The following FBXO34 variants were observed in gnomAD, a reference collection of about 807,000 sequenced individuals.
The protein encoded by FBXO34 is F-box only protein 34.
Under a neutral mutation model 24.5 loss-of-function variants are expected in FBXO34, and 12 were observed. That is an observed-to-expected ratio of 0.49 (90% CI 0.31 to 0.79). The LOEUF is 0.79. FBXO34 is among the 30% of genes least tolerant of loss of function. FBXO34 has a pLI of 0.04. For missense variants in FBXO34, 823 were observed against 857.7 expected (o/e 0.96, Z 0.51); for synonymous variants, 320 against 311.9 (o/e 1.03, Z -0.27).
downstream of FBXO34, among the ~76,000 whole-genome samples, chr14:55,370,960 C>T (rs1327186909): frequency 2.0e-5 from 3 of 152,024 alleles, no homozygotes; most frequent in Non-Finnish European, 2.9e-5. Flanking sequence ...CTTCTTTTTC[C>T]CCTCCCTTTC....
chr14:55,299,030 T>C (rs1882245955), intron 1 of FBXO34: 13 of 1,606,384 alleles, frequency 8.1e-6, no homozygotes, highest in Non-Finnish European at 1.1e-5. Context: ...AGCAAGAACT[T>C]GGGGAGGAGA....
At chr14:55,283,116 A>G (rs1881616647) in intron 1 of FBXO34, among the ~76,000 whole-genome samples, 1 of 152,198 alleles carries the variant, frequency 6.6e-6, no homozygotes, top group Non-Finnish European at 1.5e-5. Context: ...CATCGTCACT[A>G]TATTTTAGCT....
chr14:55,369,448 G>A (rs1467156376), downstream of FBXO34: 7 of 584,014 alleles, frequency 1.2e-5, no homozygotes, highest in Non-Finnish European at 1.9e-5. Context: ...ACCATCACAG[G>A]CCACTTGGCA....
chr14:55,327,028 A>G (rs538189535), intron 1 of FBXO34, among the ~76,000 whole-genome samples: 3 of 152,204 alleles, frequency 2.0e-5, no homozygotes, highest in Non-Finnish European at 2.9e-5. Flanking sequence ...AGAAAGGGGG[A>G]AAAAAGTGCT....
At chr14:55,298,193 A>G (rs1169307827) in intron 1 of FBXO34, among the ~76,000 whole-genome samples, 1 of 149,114 alleles carries the variant, frequency 6.7e-6, no homozygotes, top group Non-Finnish European at 1.5e-5. Flanking sequence ...AAACTTTCTT[A>G]AAACACTGTG....
At chr14:55,371,614 C>CT (rs1282462298), downstream of FBXO34, among the ~76,000 whole-genome samples, 1 of 152,080 alleles carries the variant, frequency 6.6e-6, no homozygotes, top group African/African-American at 2.4e-5. Context: ...AGACCATTGG[C>CT]TAACACAGTG....
intron 1 of FBXO34, among the ~76,000 whole-genome samples, chr14:55,347,287 C>T (rs886228228): frequency 6.6e-6 from 1 of 152,160 alleles, no homozygotes; most frequent in African/African-American, 2.4e-5. Flanking sequence ...AAAGTGCCAC[C>T]ATCTGTTGTA....
At chr14:55,340,087 G>A (rs1278850273) in intron 1 of FBXO34, among the ~76,000 whole-genome samples, 1 of 152,124 alleles carries the variant, frequency 6.6e-6, no homozygotes, top group African/African-American at 2.4e-5. Context: ...ACCAGGTCTT[G>A]CTGTGTTGCT....
chr14:55,355,487 C>CA (rs1421975327), downstream of FBXO34, among the ~76,000 whole-genome samples: 1 of 152,196 alleles, frequency 6.6e-6, no homozygotes, highest in Non-Finnish European at 1.5e-5. Flanking sequence ...CAACCAGCCT[C>CA]AGATTTAAAA....
the FBXO34 span, among the ~76,000 whole-genome samples, chr14:55,425,578 G>A: frequency 6.6e-6 from 1 of 152,174 alleles, no homozygotes; most frequent in South Asian, 2.1e-4. Context: ...GGCAGAGAAA[G>A]AGAGTGGTTT....
chr14:55,315,592 C>G (rs1237797605), intron 1 of FBXO34, among the ~76,000 whole-genome samples: 1 of 152,176 alleles, frequency 6.6e-6, no homozygotes, highest in Non-Finnish European at 1.5e-5. Flanking sequence ...ATGTCTTACT[C>G]TGTTCTTACT....
chr14:55,382,073 T>G, the FBXO34 span: 1 of 1,614,194 alleles, frequency 6.2e-7, no homozygotes, highest in Non-Finnish European at 8.5e-7. Context: ...GTGTCTCCGT[T>G]GTGATCGTCA....
At chr14:55,318,767 G>A (rs1039261407) in intron 1 of FBXO34, among the ~76,000 whole-genome samples, 1 of 152,068 alleles carries the variant, frequency 6.6e-6, no homozygotes, top group African/African-American at 2.4e-5. Flanking sequence ...GGAACAATTA[G>A]TATTCCATTG....
At chr14:55,279,046 C>G (rs1881440587) in intron 1 of FBXO34, among the ~76,000 whole-genome samples, 1 of 152,062 alleles carries the variant, frequency 6.6e-6, no homozygotes, top group South Asian at 2.1e-4. Flanking sequence ...CCTGTAATCC[C>G]AGCACTTTAG....
At chr14:55,429,766 C>CAAAAAAAAAAAAAAAAAAAAAA in the FBXO34 span, among the ~76,000 whole-genome samples, 19 of 52,350 alleles carry the variant, frequency 3.6e-4, no homozygotes, top group East Asian at 5.7e-4. Flanking sequence ...AACTCCGTCT[C>CAAAAAAAAAAAAAAAAAAAAAA]AAAAAAAAAA....
chr14:55,359,315 T>G (rs1016340960), intron 3 of FBXO34, among the ~76,000 whole-genome samples: 2 of 152,132 alleles, frequency 1.3e-5, no homozygotes, highest in African/African-American at 4.8e-5. Flanking sequence ...TAGGAGGCCC[T>G]AAATGCACAC....
chr14:55,433,853 T>C, the FBXO34 span: 2 of 662,400 alleles, frequency 3.0e-6, no homozygotes, highest in East Asian at 2.7e-5. Flanking sequence ...CTTTTCTCCC[T>C]ACATTAAGGT....
At chr14:55,347,872 T>C (rs753211132) in intron 1 of FBXO34, among the ~76,000 whole-genome samples, 30 of 152,368 alleles carry the variant, frequency 2.0e-4, no homozygotes, top group Admixed American at 3.3e-4. Flanking sequence ...TATTCATAGA[T>C]ACTGTGTAAT....
chr14:55,321,917 A>G (rs1265582985), intron 1 of FBXO34, among the ~76,000 whole-genome samples: 1 of 152,266 alleles, frequency 6.6e-6, no homozygotes, highest in East Asian at 1.9e-4. Flanking sequence ...ATTGTTTTTG[A>G]AATTATACAA....
Sources: allele counts gnomAD v4.1 joint callset (sites outside exome capture counted in the v4.1 genomes callset), GRCh38; gene constraint gnomAD v4.1.1; transcripts MANE v1.5; gene names NCBI Gene and HGNC (gene_info 2026-07-23, HGNC 2026-07-21).